The following APOO variants were observed in gnomAD, a reference collection of about 807,000 sequenced individuals.
The protein encoded by APOO is MICOS complex subunit MIC26.
A neutral mutation model predicts 23.1 loss-of-function variants in APOO; 11 were observed. The observed-to-expected ratio is 0.48, with a 90% CI of 0.30 to 0.79. The LOEUF is 0.79. APOO is among the 30% of genes least tolerant of loss of function. The pLI is 0.07. For synonymous variants in APOO, 59 were observed against 54.8 expected, an observed-to-expected ratio of 1.08 and a Z score of -0.34; for missense variants, 160 against 142.7, an observed-to-expected ratio of 1.12 and a Z score of -0.62.
chrX:23,891,030 C>A (rs1187082120), intron 1 of APOO, among the ~76,000 whole-genome samples: 1 of 110,876 alleles, frequency 9.0e-6, no homozygotes, highest in African/African-American at 3.3e-5. Context: ...AAACTGGTGA[C>A]TACTCTACAT....
At chrX:23,883,036 G>T (rs1005341173) in intron 1 of APOO, among the ~76,000 whole-genome samples, 1 of 111,077 alleles carries the variant, frequency 9.0e-6, no homozygotes, top group African/African-American at 3.3e-5. Flanking sequence ...CCAAGATACT[G>T]CCACTGCACT....
At chrX:23,898,540 GA>G (rs60098541) in intron 1 of APOO, among the ~76,000 whole-genome samples, 10 of 107,007 alleles carry the variant, frequency 9.3e-5, no homozygotes, top group East Asian at 2.9e-4. Flanking sequence ...GCCTTTTTTG[GA>G]AAAAAAAAAT....
At chrX:23,886,715 C>T (rs757478397) in intron 1 of APOO, among the ~76,000 whole-genome samples, 12 of 111,374 alleles carry the variant, frequency 1.1e-4, no homozygotes, top group African/African-American at 3.3e-4. Context: ...CCTCCTGGTG[C>T]GAGATGACCC....
At chrX:23,840,497 C>T in intron 7 of APOO, 120 bp from the exon 8 acceptor site, 2 of 582,192 alleles carry the variant, frequency 3.4e-6, no homozygotes, top group East Asian at 7.9e-5. Context: ...CAGGGTCAAA[C>T]CATTTTATTG....
intron 1 of APOO, among the ~76,000 whole-genome samples, chrX:23,907,377 G>A (rs1927409257): frequency 1.8e-5 from 2 of 111,959 alleles, no homozygotes; most frequent in Non-Finnish European, 1.9e-5. Context: ...CCCTACCCAC[G>A]ATCCCAAGAG....
chrX:23,851,472 C>T (rs995877804), intron 7 of APOO, among the ~76,000 whole-genome samples: 2 of 112,152 alleles, frequency 1.8e-5, no homozygotes. Flanking sequence ...GGATTACAGG[C>T]GTGAGCCACC....
chrX:23,879,139 T>G, intron 2 of APOO, 105 bp from the exon 3 acceptor site: 1 of 941,676 alleles, frequency 1.1e-6, no homozygotes, highest in Non-Finnish European at 1.4e-6. Flanking sequence ...AATTCATGAA[T>G]TACAGTGACT....
At chrX:23,889,205 T>G (rs1470752160) in intron 1 of APOO, among the ~76,000 whole-genome samples, 1 of 111,464 alleles carries the variant, frequency 9.0e-6, no homozygotes, top group Non-Finnish European at 1.9e-5. Context: ...TAAAGGTAGA[T>G]TCTTAGACAC....
intron 5 of APOO, among the ~76,000 whole-genome samples, chrX:23,863,232 G>A (rs1340956879): frequency 8.9e-6 from 1 of 112,179 alleles, no homozygotes; most frequent in African/African-American, 3.2e-5. Flanking sequence ...TAACTGGGAG[G>A]TTGAGGCGTG....
intron 7 of APOO, among the ~76,000 whole-genome samples, chrX:23,847,803 TTA>T (rs565273617): frequency 0.014 from 1,426 of 100,610 alleles, 7 homozygotes; most frequent in Middle Eastern, 0.03. Context: ...CAGCCTATAA[TTA>T]TATATATATA....
intron 3 of APOO, 66 bp from the exon 4 acceptor site, chrX:23,874,523 A>G: frequency 1.1e-6 from 1 of 906,747 alleles, no homozygotes; most frequent in East Asian, 3.1e-5. Flanking sequence ...AGTTAACAGA[A>G]TAAATATACT....
At chrX:23,875,805 G>A (rs1034598905) in intron 3 of APOO, among the ~76,000 whole-genome samples, 2 of 110,910 alleles carry the variant, frequency 1.8e-5, no homozygotes, top group African/African-American at 6.6e-5. Context: ...AATAAATGCC[G>A]AATTAGCCAG....
intron 4 of APOO, among the ~76,000 whole-genome samples, chrX:23,871,947 TG>T (rs1487117269): frequency 8.9e-6 from 1 of 112,308 alleles, no homozygotes; most frequent in Non-Finnish European, 1.9e-5. Flanking sequence ...CTATAGGACT[TG>T]TATTATGTTT....
intron 1 of APOO, among the ~76,000 whole-genome samples, chrX:23,900,588 C>T (rs756927000): frequency 1.5e-4 from 16 of 105,773 alleles, no homozygotes; most frequent in Non-Finnish European, 2.1e-4. Context: ...GGGAGGAGAC[C>T]GGCTTGAACC....
intron 1 of APOO, among the ~76,000 whole-genome samples, chrX:23,897,763 G>A (rs1222404235): frequency 1.8e-5 from 2 of 110,851 alleles, no homozygotes; most frequent in African/African-American, 6.6e-5. Flanking sequence ...CGAGGTGGGC[G>A]GATCCTTTGA....
At chrX:23,842,366 G>GC (rs1226425523) in intron 7 of APOO, among the ~76,000 whole-genome samples, 1 of 111,914 alleles carries the variant, frequency 8.9e-6, no homozygotes, top group Non-Finnish European at 1.9e-5. Context: ...TACAGTTTGG[G>GC]CAACAGAGTG....
intron 3 of APOO, among the ~76,000 whole-genome samples, chrX:23,877,458 T>A (rs1343705708): frequency 8.9e-6 from 1 of 112,069 alleles, no homozygotes; most frequent in African/African-American, 3.2e-5. Context: ...AAATTAAAAA[T>A]TTTTAAACAA....
intron 6 of APOO, among the ~76,000 whole-genome samples, chrX:23,858,416 C>T (rs903125032): frequency 7.1e-5 from 8 of 111,976 alleles, no homozygotes; most frequent in African/African-American, 2.6e-4. Context: ...CAAACAATCA[C>T]GCAAATTCGT....
At chrX:23,864,045 G>C (rs901104515) in intron 5 of APOO, among the ~76,000 whole-genome samples, 1 of 107,286 alleles carries the variant, frequency 9.3e-6, no homozygotes, top group Non-Finnish European at 1.9e-5. Flanking sequence ...GCCCAGGCTG[G>C]AGTGCAATGG....
Sources: allele counts gnomAD v4.1 joint callset (sites outside exome capture counted in the v4.1 genomes callset), GRCh38; gene constraint gnomAD v4.1.1; transcripts MANE v1.5; gene names NCBI Gene and HGNC (gene_info 2026-07-23, HGNC 2026-07-21).